The following HEPHL1 variants were observed in gnomAD, a reference collection of about 807,000 sequenced individuals.
HEPHL1 encodes the protein ferroxidase HEPHL1.
Under a neutral mutation model 122.0 loss-of-function variants are expected in HEPHL1, and 123 were observed. The observed-to-expected ratio is 1.01, with a 90% CI of 0.87 to 1.17. HEPHL1 has a LOEUF of 1.17. Ranked by LOEUF, HEPHL1 falls within the 50% of genes most tolerant of loss-of-function variation. HEPHL1 has a pLI of 0.00. For synonymous variants in HEPHL1, 527 were observed against 508.9 expected (o/e 1.04, Z -0.48); for missense variants, 1,452 against 1,430.5 (o/e 1.01, Z -0.24).
chr11:94,069,474 A>G (rs1312009801), intron 5 of HEPHL1, among the ~76,000 whole-genome samples: 1 of 152,134 alleles, frequency 6.6e-6, no homozygotes, highest in African/African-American at 2.4e-5. Context: ...TTTTATATTC[A>G]CATTTTGGTG....
chr11:94,096,896 G>T (rs1354590776), intron 13 of HEPHL1, among the ~76,000 whole-genome samples: 1 of 152,052 alleles, frequency 6.6e-6, no homozygotes, highest in East Asian at 1.9e-4. Context: ...GCGCCTATTT[G>T]ATTCTTCTCT....
intron 2 of HEPHL1, among the ~76,000 whole-genome samples, chr11:94,063,183 T>C (rs973477028): frequency 3.9e-5 from 6 of 152,212 alleles, no homozygotes; most frequent in Admixed American, 1.3e-4. Flanking sequence ...CTGAGGGGAA[T>C]TGAAATCTTC....
intron 8 of HEPHL1, 120 bp downstream of exon 8, chr11:94,073,559 A>G (rs1327889339): frequency 2.1e-6 from 2 of 956,018 alleles, no homozygotes; most frequent in South Asian, 1.7e-5. Context: ...TTGGGCAATC[A>G]CTTAAACTTT....
At chr11:94,087,585 C>A (rs1002879123) in intron 11 of HEPHL1, among the ~76,000 whole-genome samples, 4 of 152,042 alleles carry the variant, frequency 2.6e-5, no homozygotes, top group African/African-American at 9.7e-5. Context: ...GTTTTGTTTT[C>A]TTCTTCATGC....
intron 2 of HEPHL1, among the ~76,000 whole-genome samples, chr11:94,062,291 G>A (rs966733324): frequency 4.1e-4 from 63 of 152,258 alleles, no homozygotes; most frequent in African/African-American, 1.4e-3. Context: ...GGATTGCTTT[G>A]AAAAGTAACT....
At chr11:94,105,677 A>G (rs966044229) in intron 16 of HEPHL1, among the ~76,000 whole-genome samples, 1 of 152,208 alleles carries the variant, frequency 6.6e-6, no homozygotes, top group Non-Finnish European at 1.5e-5. Context: ...AGAGTGGTAT[A>G]AATCTGACTA....
At position 94,067,596 on chromosome 11, in the gene HEPHL1, C is replaced by T. The variant is rs779725308; in HGVS notation, c.909C>T (p.Ile303=). The change falls in exon 5 of 20, where the codon ATC becomes ATT. Residue 303 remains isoleucine, a synonymous_variant. Coordinates refer to ENST00000315765, the MANE Select transcript of HEPHL1 (RefSeq NM_001098672.2). The part of the protein sequence containing the change: ...HLFGMGNEID[I]HSIYFYGNTF... The stretch of plus-strand genomic sequence containing the variant: ...TTGGAATGGGGAATGAAATAGACAT[C>T]CATTCTATCTATTTCTATGGTAACA... The T allele has an allele frequency of 6.2e-7, 1 of 1,612,870 alleles. No individual in the cohort carries two copies. The highest frequency in any genetic ancestry group is 1.1e-5 in the South Asian group (1 of 91,058).
In HEPHL1 at chr11:94,109,703, A is replaced by C. The variant is rs192995272; in HGVS notation, c.3046-1200A>C. Among the ~76,000 whole-genome samples, 670 of 152,214 alleles carry C rather than the reference A, an allele frequency of 4.4e-3. 3 individuals carry two copies. Among genetic ancestry groups the C allele is most frequent in the Non-Finnish European group, 7.3e-3 (495 of 67,992 alleles). The stretch of plus-strand genomic sequence containing the variant: ...CCAGGATAAACCTTACTTGGTCATG[A>C]TGTATTATTCCTTTTTGTGGAATTG... On this transcript the variant is annotated intron_variant, in intron 17 of 19. Coordinates refer to ENST00000315765, the MANE Select transcript of HEPHL1 (RefSeq NM_001098672.2).
At chr11:94,072,980 G>T (rs1224841585) in intron 6 of HEPHL1, 45 bp from the exon 7 acceptor site, 1 of 1,566,234 alleles carries the variant, frequency 6.4e-7, no homozygotes, top group South Asian at 1.1e-5. Context: ...GTATTTGGTG[G>T]ATATGTTGAG....
intron 2 of HEPHL1, among the ~76,000 whole-genome samples, chr11:94,056,942 G>T (rs1444955851): frequency 6.6e-6 from 1 of 151,860 alleles, no homozygotes. Context: ...TCCTTGTAAG[G>T]CAGTTCTGCT....
intron 12 of HEPHL1, 93 bp from the exon 13 acceptor site, chr11:94,093,408 A>G: frequency 7.0e-7 from 1 of 1,420,434 alleles, no homozygotes; most frequent in Non-Finnish European, 9.8e-7. Context: ...AGGTTTGGGG[A>G]GCACTTCTCC....
Position 94,075,280 on chromosome 11 carries a change from C to T in HEPHL1, c.1611C>T (p.Thr537=), listed in dbSNP as rs1442816253. The part of the protein sequence containing the change: ...SPTAGDPPCL[T]YLYFSAVDPI... ...CTGCTGGTGATCCTCCCTGTCTGAC[C>T]TATCTTTACTTCTCAGCAGTTGATC... is the stretch of plus-strand genomic sequence containing the variant. Residue 537 remains threonine (T), a synonymous_variant, in exon 9 of 20, where the codon ACC becomes ACT. Coordinates refer to ENST00000315765, the MANE Select transcript of HEPHL1 (RefSeq NM_001098672.2). 1.2e-6 allele frequency: 2 copies of T among 1,613,412 alleles called. No homozygotes were observed. The highest frequency in any genetic ancestry group is 1.6e-4 in the Middle Eastern group (1 of 6,080).
At chr11:94,100,758 T>A (rs1263588145) in intron 13 of HEPHL1, among the ~76,000 whole-genome samples, 1 of 152,178 alleles carries the variant, frequency 6.6e-6, no homozygotes, top group Non-Finnish European at 1.5e-5. Flanking sequence ...AGTCACCATA[T>A]CATGTGGATA....
At chr11:94,064,222 G>C in intron 3 of HEPHL1, 109 bp from the exon 4 acceptor site, 1 of 700,082 alleles carries the variant, frequency 1.4e-6, no homozygotes, top group East Asian at 2.7e-5. Flanking sequence ...GGTTATCCTT[G>C]TAGGTATAGG....
chr11:94,072,869 T>C (rs891778255), intron 6 of HEPHL1, among the ~76,000 whole-genome samples, 156 bp from the exon 7 acceptor site: 2 of 152,138 alleles, frequency 1.3e-5, no homozygotes, highest in East Asian at 3.9e-4. Context: ...TTAGGGCTGG[T>C]TAACTATTCC....
At chr11:94,110,370 T>C (rs1219320303) in intron 17 of HEPHL1, among the ~76,000 whole-genome samples, 4 of 152,198 alleles carry the variant, frequency 2.6e-5, no homozygotes, top group Non-Finnish European at 4.4e-5. Context: ...CGACTGGAGC[T>C]GCAGTTTTCA....
At chr11:94,090,767 A>G (rs1166751739) in intron 12 of HEPHL1, among the ~76,000 whole-genome samples, 1 of 152,270 alleles carries the variant, frequency 6.6e-6, no homozygotes, top group Admixed American at 6.5e-5. Context: ...CCTTTGTCCC[A>G]TGGCCATGGT....
chr11:94,061,870 A>C lies in HEPHL1; in HGVS notation c.416-1638A>C, dbSNP rs1244628127. On this transcript the variant is annotated intron_variant, in intron 2 of 19. Coordinates refer to ENST00000315765, the MANE Select transcript of HEPHL1 (RefSeq NM_001098672.2). Reference sequence around the variant, plus strand: ...TCTTGAAAATACTCTCTCAGAATCTAGTACTAGCAAAAAGTTCCTTTCTCT... The same window carrying C: ...TCTTGAAAATACTCTCTCAGAATCTCGTACTAGCAAAAAGTTCCTTTCTCT... Among the ~76,000 whole-genome samples the C allele has an allele frequency of 3.3e-5, 5 of 152,168 alleles. No homozygotes were observed. The East Asian group carries it at 5.8e-4, about 18-fold the overall frequency.
At chr11:94,046,482 T>A (rs1048731608) in intron 2 of HEPHL1, among the ~76,000 whole-genome samples, 1 of 149,604 alleles carries the variant, frequency 6.7e-6, no homozygotes, top group Non-Finnish European at 1.5e-5. Context: ...CCTCAGTACC[T>A]GCTCCACCAC....
Sources: gnomAD v4.1 joint callset for allele counts (sites outside exome capture counted in the v4.1 genomes callset) on GRCh38, gnomAD v4.1.1 for gene constraint, MANE v1.5 for transcripts, NCBI Gene and HGNC (gene_info 2026-07-23, HGNC 2026-07-21) for gene names.